Variants in APLF observed in about 807,000 individuals in gnomAD.
APLF encodes aprataxin and PNK-like factor.
A neutral mutation model predicts 55.6 loss-of-function variants in APLF; 61 were observed. The ratio of observed to expected loss-of-function variants is 1.10; its 90% CI spans 0.89 to 1.36. The LOEUF (loss-of-function observed/expected upper bound fraction) is 1.36, where lower values mean the gene tolerates loss of function less well. APLF is among the 40% of genes most tolerant of loss of function. The pLI is 0.00. For synonymous variants in APLF, 207 were observed against 214.8 expected (o/e 0.96, Z 0.32); for missense variants, 611 against 602.5 (o/e 1.01, Z -0.15).
chr2:68,545,041 G>A (rs982777458), intron 7 of APLF, 146 bp from the exon 8 acceptor site: 13 of 878,672 alleles, frequency 1.5e-5, no homozygotes, highest in Non-Finnish European at 2.2e-5. Context: ...GCATGTTGAT[G>A]TAATCTGCGC....
Position 68,580,131 on chromosome 2 carries a change from C to T in APLF, c.*2109C>T. The stretch of plus-strand genomic sequence containing the variant: ...ATCCTGAAGACACTTTTGAGTATAA[C>T]TATTGTATAAATAAATGTATAGCTT... On this transcript the variant is annotated 3_prime_UTR_variant, in exon 10 of 10. Coordinates refer to ENST00000303795, the MANE Select transcript of APLF (RefSeq NM_173545.3). The T allele has an allele frequency of 1.1e-6, 1 of 938,174 alleles. No homozygotes were observed. Among genetic ancestry groups the T allele is most frequent in the South Asian group, 4.9e-5 (1 of 20,254 alleles). The allele number at this position is 938,174 out of a possible 1,614,324, so 58.1% of individuals were successfully genotyped here. A position where few individuals can be genotyped will look rare whatever the true frequency, so the allele number is the denominator to read the frequency against.
At chr2:68,517,223 T>A (rs1487312366) in intron 5 of APLF, among the ~76,000 whole-genome samples, 1 of 124,254 alleles carries the variant, frequency 8.0e-6, no homozygotes, top group Non-Finnish European at 1.6e-5. Flanking sequence ...TTGATATATA[T>A]AAATATATTA....
At chr2:68,475,924 G>C (rs1188547977) in intron 1 of APLF, among the ~76,000 whole-genome samples, 2 of 150,916 alleles carry the variant, frequency 1.3e-5, no homozygotes, top group Non-Finnish European at 2.9e-5. Flanking sequence ...CTCCACAAAA[G>C]TAGAAGGAAA....
chr2:68,468,683 A>G (rs538119095), intron 1 of APLF, among the ~76,000 whole-genome samples: 27 of 152,294 alleles, frequency 1.8e-4, no homozygotes, highest in Middle Eastern at 3.4e-3. Flanking sequence ...CTAGTTTTCT[A>G]TTTTGTTCTT....
Position 68,530,955 on chromosome 2 carries a change from A to T in APLF, c.804+4713A>T, listed in dbSNP as rs1670237570. ...ATAATTTGGCACCTCCATTCTGAAAACCTGACTTCTCTTATTCCATTGGTT... is the reference window on the plus strand; with the variant it reads ...ATAATTTGGCACCTCCATTCTGAAATCCTGACTTCTCTTATTCCATTGGTT... On this transcript the variant is annotated intron_variant, in intron 6 of 9. Transcript: ENST00000303795. 3.3e-5 allele frequency among the ~76,000 whole-genome samples: 5 copies of T among 152,136 alleles called. No individual in the cohort carries two copies. The South Asian group carries it at 1.0e-3, about 32-fold the overall frequency.
At chr2:68,510,522 TAAC>T (rs1177038063) in intron 3 of APLF, among the ~76,000 whole-genome samples, 1 of 151,822 alleles carries the variant, frequency 6.6e-6, no homozygotes, top group African/African-American at 2.4e-5. Flanking sequence ...AAAAATATAA[TAAC>T]AAGTGTTGGT....
chr2:68,528,898 C>T, intron 6 of APLF: 1 of 1,519,286 alleles, frequency 6.6e-7, no homozygotes, highest in South Asian at 1.2e-5. Context: ...TCTCCAGGGG[C>T]CTAGAGGTGG....
chr2:68,518,610 T>A (rs1421065536), intron 5 of APLF, among the ~76,000 whole-genome samples: 5 of 111,990 alleles, frequency 4.5e-5, no homozygotes, highest in Non-Finnish European at 6.8e-5. Context: ...TAATATATCA[T>A]TAATATATCA....
At chr2:68,547,114 A>G (rs1441593432) in intron 8 of APLF, among the ~76,000 whole-genome samples, 1 of 151,830 alleles carries the variant, frequency 6.6e-6, no homozygotes, top group East Asian at 1.9e-4. Context: ...GTAAGAAAAT[A>G]AAATTTTTTA....
At chr2:68,508,552 A>G (rs1444763902) in intron 3 of APLF, among the ~76,000 whole-genome samples, 1 of 151,896 alleles carries the variant, frequency 6.6e-6, no homozygotes, top group Non-Finnish European at 1.5e-5. Context: ...GCATTAGGCA[A>G]TGTTTATAAC....
chr2:68,525,713 C>T (rs904517639), intron 5 of APLF, among the ~76,000 whole-genome samples: 1 of 143,008 alleles, frequency 7.0e-6, no homozygotes, highest in African/African-American at 2.9e-5. Flanking sequence ...ATCTTACTTG[C>T]CCTTTTATCC....
chr2:68,488,154 G>T (rs1472670199), intron 1 of APLF, among the ~76,000 whole-genome samples: 1 of 151,996 alleles, frequency 6.6e-6, no homozygotes, highest in Non-Finnish European at 1.5e-5. Flanking sequence ...TTTTATATTT[G>T]ATAGCTTATT....
intron 2 of APLF, among the ~76,000 whole-genome samples, chr2:68,498,801 T>C (rs1676634119): frequency 6.6e-6 from 1 of 152,186 alleles, no homozygotes; most frequent in Admixed American, 6.5e-5. Flanking sequence ...TCACTTGGGG[T>C]CGTGGATGAT....
At chr2:68,570,286 T>A (rs891009045) in intron 9 of APLF, among the ~76,000 whole-genome samples, 13 of 131,122 alleles carry the variant, frequency 9.9e-5, no homozygotes, top group Admixed American at 2.9e-4. Context: ...CTTTTTTTTT[T>A]AATATATATA....
At chr2:68,519,117 A>AATATATAATATG (rs1669809434) in intron 5 of APLF, among the ~76,000 whole-genome samples, 7 of 134,294 alleles carry the variant, frequency 5.2e-5, no homozygotes, top group African/African-American at 1.7e-4. Context: ...TATATAATAT[A>AATATATAATATG]TAAAACATAT....
At chr2:68,520,555 C>A (rs1210796126) in intron 5 of APLF, among the ~76,000 whole-genome samples, 1 of 151,870 alleles carries the variant, frequency 6.6e-6, no homozygotes, top group Admixed American at 6.6e-5. Context: ...ATCCCAGCAC[C>A]ATTTGTTGAA....
intron 5 of APLF, among the ~76,000 whole-genome samples, chr2:68,519,067 T>A (rs1283284690): frequency 6.1e-5 from 7 of 114,108 alleles, no homozygotes; most frequent in African/African-American, 2.3e-4. Flanking sequence ...AATTAATATA[T>A]AATAATAATA....
chr2:68,538,362 A>G (rs899542155), intron 7 of APLF, 135 bp downstream of exon 7: 7 of 707,878 alleles, frequency 9.9e-6, no homozygotes, highest in Non-Finnish European at 1.5e-5. Flanking sequence ...TGTTTCTACT[A>G]TTTGTACTTC....
At chr2:68,472,141 T>C (rs1024866250) in intron 1 of APLF, among the ~76,000 whole-genome samples, 3 of 152,190 alleles carry the variant, frequency 2.0e-5, no homozygotes, top group Non-Finnish European at 4.4e-5. Flanking sequence ...CGAAGTTTTA[T>C]TTTGCAGAGC....
Sources: allele counts gnomAD v4.1 joint callset (sites outside exome capture counted in the v4.1 genomes callset), GRCh38; gene constraint gnomAD v4.1.1; transcripts MANE v1.5; gene names NCBI Gene and HGNC (gene_info 2026-07-23, HGNC 2026-07-21).